ARL1: variants seen among roughly 807,000 people sequenced by gnomAD.
ARL1 encodes ARF like GTPase 1, also known as ADP-ribosylation factor-like protein 1.
ARL1 carries 17 observed loss-of-function variants against 30.1 expected under a neutral mutation model. The ratio of observed to expected loss-of-function variants is 0.56; its 90% CI spans 0.39 to 0.85. ARL1 has a LOEUF of 0.85. ARL1 is among the 40% of genes least tolerant of loss of function. The pLI, the probability that ARL1 is intolerant of heterozygous loss-of-function variation, is 0.00. For synonymous variants in ARL1, 58 were observed against 71.7 expected, an observed-to-expected ratio of 0.81 and a Z score of 0.97; for missense variants, 102 against 212.6, an observed-to-expected ratio of 0.48 and a Z score of 3.24.
At chr12:101,407,353 CATG>C in intron 1 of ARL1, 2 of 388,142 alleles carry the variant, frequency 5.2e-6, no homozygotes, top group Non-Finnish European at 4.6e-6. Flanking sequence ...GGGAAAACTT[CATG>C]ATAAGGGTAA....
chr12:101,401,432 T>C, intron 3 of ARL1: 1 of 228,836 alleles, frequency 4.4e-6, no homozygotes, highest in East Asian at 9.9e-5. Context: ...AGGTCGGGAG[T>C]TCGAGACCAG....
intron 4 of ARL1, among the ~76,000 whole-genome samples, chr12:101,397,403 CAAAA>C (rs1381255559): frequency 6.6e-6 from 1 of 151,638 alleles, no homozygotes; most frequent in Non-Finnish European, 1.5e-5. Flanking sequence ...AAAAAACAAA[CAAAA>C]AAGGAAGCAG....
intron 1 of ARL1, 89 bp downstream of exon 1, chr12:101,407,553 A>G (rs1485974491): frequency 2.1e-5 from 33 of 1,567,194 alleles, no homozygotes; most frequent in Non-Finnish European, 2.9e-5. Context: ...ACTCTAGGGT[A>G]TCCTGGCCGG....
chr12:101,398,391 C>T (rs922178405), intron 4 of ARL1, among the ~76,000 whole-genome samples: 8 of 149,166 alleles, frequency 5.4e-5, no homozygotes, highest in African/African-American at 1.7e-4. Context: ...AGTGAAACTC[C>T]GTCTCAAAAA....
At chr12:101,396,078 A>C in intron 5 of ARL1, 1 of 580,144 alleles carries the variant, frequency 1.7e-6, no homozygotes, top group South Asian at 2.2e-5. Context: ...GTAGGAATAG[A>C]GATACATTAG....
At chr12:101,402,502 T>C (rs1420869288) in intron 3 of ARL1, among the ~76,000 whole-genome samples, 3 of 152,224 alleles carry the variant, frequency 2.0e-5, no homozygotes, top group African/African-American at 7.2e-5. Flanking sequence ...CATTTATTTT[T>C]ATATTAGCCC....
chr12:101,401,171 G>A lies in ARL1; in HGVS notation c.227C>T (p.Pro76Leu). The change falls in exon 4 of 6, where the codon CCA becomes CTA. Residue 76 changes from proline (P) to leucine (L), a missense_variant and splice_region_variant. Transcript: ENST00000261636. ...WDLGGQTSIR[P>L]YWRCYYSNTD... ...GTTTGAATAGTAACATCTCCAGTATGGCCTAGAGAAAATTTAAAAGGGGAG... is the reference window on the plus strand; with the variant it reads ...GTTTGAATAGTAACATCTCCAGTATAGCCTAGAGAAAATTTAAAAGGGGAG... The A allele has an allele frequency of 6.2e-7, 1 of 1,603,828 alleles. No homozygotes were observed. Among genetic ancestry groups the A allele is most frequent in the East Asian group, 2.2e-5 (1 of 44,742 alleles).
intron 4 of ARL1, among the ~76,000 whole-genome samples, chr12:101,398,027 G>C (rs1871196907): frequency 6.6e-6 from 1 of 151,810 alleles, no homozygotes; most frequent in Non-Finnish European, 1.5e-5. Flanking sequence ...CTCATCTTTT[G>C]AATTCCTTAT....
chr12:101,398,126 G>A (rs1036856578), intron 4 of ARL1, among the ~76,000 whole-genome samples: 4 of 151,856 alleles, frequency 2.6e-5, no homozygotes, highest in African/African-American at 4.8e-5. Context: ...GGCCAGGCAC[G>A]GTGGCTCACA....
At chr12:101,401,284 C>T (rs1256705114) in intron 3 of ARL1, 111 bp from the exon 4 acceptor site, 2 of 681,870 alleles carry the variant, frequency 2.9e-6, no homozygotes, top group East Asian at 2.6e-5. Context: ...CTTAATGATT[C>T]ACTGTTTCTG....
At chr12:101,406,418 C>A (rs1871442086) in intron 1 of ARL1, among the ~76,000 whole-genome samples, 1 of 152,134 alleles carries the variant, frequency 6.6e-6, no homozygotes, top group Non-Finnish European at 1.5e-5. Context: ...AATCAGAGTT[C>A]TCCACGAAGC....
chr12:101,407,752 C>A lies in ARL1; in HGVS notation c.-107G>T, dbSNP rs1290739603. The A allele has an allele frequency of 3.9e-6, 6 of 1,531,218 alleles. No homozygotes were observed. The African/African-American group carries it at 8.2e-5, about 21-fold the overall frequency. 94.9% of individuals were successfully genotyped at this position (1,531,218 alleles called of 1,614,324 possible). A position where few individuals can be genotyped will look rare whatever the true frequency, so the allele number is the denominator to read the frequency against. On this transcript the variant is annotated 5_prime_UTR_variant, in exon 1 of 6. Coordinates refer to ENST00000261636, the MANE Select transcript of ARL1 (RefSeq NM_001177.6). Reference sequence around the variant, plus strand: ...CCCAGTCAGCCAGCAACTTCCACGTCGGACTCCAGGCGGGGGCGGGAGCGA... The same window carrying A: ...CCCAGTCAGCCAGCAACTTCCACGTAGGACTCCAGGCGGGGGCGGGAGCGA...
At chr12:101,397,825 T>C (rs1871192996) in intron 4 of ARL1, among the ~76,000 whole-genome samples, 1 of 152,084 alleles carries the variant, frequency 6.6e-6, no homozygotes, top group Admixed American at 6.6e-5. Context: ...TAAAAACAAA[T>C]GCAAATGTTA....
At chr12:101,402,429 C>T (rs1273631567) in intron 3 of ARL1, among the ~76,000 whole-genome samples, 7 of 152,160 alleles carry the variant, frequency 4.6e-5, no homozygotes, top group Admixed American at 2.0e-4. Context: ...CCTGATGATC[C>T]GCCCACCTCG....
chr12:101,407,525 C>A, intron 1 of ARL1, 117 bp downstream of exon 1: 1 of 1,386,838 alleles, frequency 7.2e-7, no homozygotes, highest in South Asian at 1.2e-5. Flanking sequence ...CCGCGACCCG[C>A]CCCCTGAGGA....
rs2121101403 is a variant in ARL1, at chr12:101,395,301, C to T, written c.*339G>A. The stretch of plus-strand genomic sequence containing the variant: ...ATTTTTTAGTATTTATACAAACAAG[C>T]TGCAACTACTATTCAAAAATAGGTT... On this transcript the variant is annotated 3_prime_UTR_variant, in exon 6 of 6. Coordinates refer to ENST00000261636, the MANE Select transcript of ARL1 (RefSeq NM_001177.6). The T allele has an allele frequency of 4.8e-6, 1 of 206,452 alleles. No individual in the cohort carries two copies. Among genetic ancestry groups the T allele is most frequent in the African/African-American group, 2.3e-5 (1 of 43,650 alleles). 12.8% of individuals were successfully genotyped at this position (206,452 alleles called of 1,614,324 possible).
rs544756180 is a variant in ARL1, at chr12:101,396,663, G to A, written c.337-86C>T. 6.5e-4 allele frequency: 673 copies of A among 1,039,410 alleles called. 7 individuals are homozygous for A. The South Asian group carries it at 0.011, about 17-fold the overall frequency. 64.4% of individuals were successfully genotyped at this position (1,039,410 alleles called of 1,614,324 possible). A position where few individuals can be genotyped will look rare whatever the true frequency, so the allele number is the denominator to read the frequency against. ...ATGTCCAAAAATACATTTTAAACGT[G>A]TATTTTATAATTAATATATTACACA... On this transcript the variant is annotated intron_variant, in intron 4 of 5. Coordinates refer to ENST00000261636, the MANE Select transcript of ARL1 (RefSeq NM_001177.6).
chr12:101,407,420 C>T (rs1565816993), intron 1 of ARL1: 3 of 552,352 alleles, frequency 5.4e-6, no homozygotes, highest in Admixed American at 3.5e-5. Flanking sequence ...GTCCCTGGAC[C>T]CCGCAGGAAT....
chr12:101,402,444 C>T (rs1871329672), intron 3 of ARL1, among the ~76,000 whole-genome samples: 2 of 152,346 alleles, frequency 1.3e-5, no homozygotes, highest in South Asian at 4.1e-4. Context: ...ACCTCGGCCT[C>T]CCAAAGTGCT....
Sources: gnomAD v4.1 joint callset for allele counts (sites outside exome capture counted in the v4.1 genomes callset) on GRCh38, gnomAD v4.1.1 for gene constraint, MANE v1.5 for transcripts, NCBI Gene and HGNC (gene_info 2026-07-23, HGNC 2026-07-21) for gene names.